Variants in TAFA4 observed in about 807,000 individuals in gnomAD.
TAFA4 encodes chemokine-like protein TAFA-4.
TAFA4 carries 20 observed loss-of-function variants against 21.1 expected under a neutral mutation model. The observed-to-expected ratio is 0.95, with a 90% CI of 0.67 to 1.38. The LOEUF (loss-of-function observed/expected upper bound fraction) is 1.38. Ranked by LOEUF, TAFA4 falls within the 40% of genes most tolerant of loss-of-function variation. TAFA4 has a pLI of 0.00. For missense variants in TAFA4, 211 were observed against 180.9 expected, an observed-to-expected ratio of 1.17 and a Z score of -0.95; for synonymous variants, 71 against 67.4, an observed-to-expected ratio of 1.05 and a Z score of -0.26.
At chr3:68,915,983 C>T (rs1419664863) in intron 1 of TAFA4, 1 of 152,184 alleles carries the variant, frequency 6.6e-6, no homozygotes, top group African/African-American at 2.4e-5. Context: ...ATTTTTCTAT[C>T]TGCAAAGGCA....
At chr3:68,783,713 A>AAAGAAAGAAAG (rs1553641278) in intron 3 of TAFA4, among the ~76,000 whole-genome samples, 3,498 of 80,696 alleles carry the variant, frequency 0.043, 180 homozygotes, top group East Asian at 0.11. Flanking sequence ...GAGAGAAAGA[A>AAAGAAAGAAAG]AAAGAAAGAA....
At chr3:68,894,247 C>A (rs2089761870) in intron 1 of TAFA4, among the ~76,000 whole-genome samples, 1 of 151,084 alleles carries the variant, frequency 6.6e-6, no homozygotes, top group African/African-American at 2.4e-5. Context: ...CGTCCTTCAT[C>A]TCTGGGACTC....
At chr3:68,880,096 G>A (rs770887099) in intron 3 of TAFA4, among the ~76,000 whole-genome samples, 14 of 149,910 alleles carry the variant, frequency 9.3e-5, no homozygotes, top group South Asian at 2.1e-4. Context: ...CAAACTGATC[G>A]GTAGCTGATG....
chr3:68,743,946 T>TCTG, intron 4 of TAFA4, among the ~76,000 whole-genome samples: 1 of 152,208 alleles, frequency 6.6e-6, no homozygotes, highest in Non-Finnish European at 1.5e-5. Context: ...ATACCACAGA[T>TCTG]TGGTTCCAAG....
chr3:68,763,369 C>T lies in TAFA4; in HGVS notation c.131-10351G>A, dbSNP rs188487069. On this transcript the variant is annotated intron_variant, in intron 3 of 5. Coordinates refer to ENST00000295569, the MANE Select transcript of TAFA4 (RefSeq NM_182522.5). ...AAGAATTATATCCCAGCTCTCTTTCCCTTTTCCACTCAGAGCCTTCTTCCT... is the reference window on the plus strand; with the variant it reads ...AAGAATTATATCCCAGCTCTCTTTCTCTTTTCCACTCAGAGCCTTCTTCCT... 6.6e-5 allele frequency among the ~76,000 whole-genome samples: 10 copies of T among 152,248 alleles called. 1 individual carries two copies. The highest frequency in any genetic ancestry group is 5.9e-4 in the Admixed American group (9 of 15,296).
chr3:68,776,850 A>G (rs949881905), intron 3 of TAFA4, among the ~76,000 whole-genome samples: 2 of 152,190 alleles, frequency 1.3e-5, no homozygotes, highest in African/African-American at 4.8e-5. Flanking sequence ...TAATAAGAAA[A>G]TCAGAAAAAC....
At chr3:68,798,547 T>G (rs977775131) in intron 3 of TAFA4, among the ~76,000 whole-genome samples, 11 of 152,238 alleles carry the variant, frequency 7.2e-5, no homozygotes, top group Middle Eastern at 3.2e-3. Flanking sequence ...GTTGAACATT[T>G]AGTTGCATTC....
rs188828785 is a variant in TAFA4, at chr3:68,805,389, A to C, written c.131-52371T>G. 8.1e-4 allele frequency among the ~76,000 whole-genome samples: 124 copies of C among 152,350 alleles called. 4 individuals carry two copies. In the East Asian group the frequency reaches 0.022, roughly 28 times the overall value. Reference sequence around the variant, plus strand: ...AACTAGTTCAACCATTGTGGAAGTCACTGTGGTGATTCCTCAAGGATCTAG... The same window carrying C: ...AACTAGTTCAACCATTGTGGAAGTCCCTGTGGTGATTCCTCAAGGATCTAG... On this transcript the variant is annotated intron_variant, in intron 3 of 5. Coordinates refer to ENST00000295569, the MANE Select transcript of TAFA4 (RefSeq NM_182522.5).
intron 3 of TAFA4, among the ~76,000 whole-genome samples, chr3:68,820,036 G>C (rs938488253): frequency 6.6e-6 from 1 of 152,062 alleles, no homozygotes; most frequent in Non-Finnish European, 1.5e-5. Flanking sequence ...ATCAACCTAA[G>C]TGTACATAAA....
chr3:68,847,448 C>T (rs1237974975), intron 3 of TAFA4, among the ~76,000 whole-genome samples: 3 of 152,250 alleles, frequency 2.0e-5, no homozygotes, highest in African/African-American at 7.2e-5. Context: ...TTTTAGCTTG[C>T]TGGGCTCTGT....
intron 3 of TAFA4, among the ~76,000 whole-genome samples, chr3:68,776,602 T>C (rs1241964114): frequency 6.6e-6 from 1 of 152,114 alleles, no homozygotes; most frequent in East Asian, 1.9e-4. Flanking sequence ...TAGAAATAAC[T>C]AGACAATATT....
chr3:68,809,274 G>A (rs2078202181), intron 3 of TAFA4, among the ~76,000 whole-genome samples: 1 of 152,108 alleles, frequency 6.6e-6, no homozygotes, highest in Admixed American at 6.6e-5. Flanking sequence ...TGAAAGCACA[G>A]AATCAATCAA....
chr3:68,783,323 C>T (rs1032213283), intron 3 of TAFA4, among the ~76,000 whole-genome samples: 1 of 152,174 alleles, frequency 6.6e-6, no homozygotes, highest in African/African-American at 2.4e-5. Flanking sequence ...AAACCTATTT[C>T]TATTTGCAGA....
chr3:68,913,680 C>G (rs1037910066), intron 1 of TAFA4: 2 of 152,240 alleles, frequency 1.3e-5, no homozygotes, highest in Admixed American at 1.3e-4. Context: ...TGCCTTCTCT[C>G]CAGCATGCAA....
intron 5 of TAFA4, among the ~76,000 whole-genome samples, chr3:68,735,663 C>A (rs1702229241): frequency 6.6e-6 from 1 of 151,954 alleles, no homozygotes; most frequent in African/African-American, 2.4e-5. Flanking sequence ...GAGGAAGATA[C>A]TGAAGACAAA....
chr3:68,752,363 T>C (rs1702570775), intron 4 of TAFA4, among the ~76,000 whole-genome samples: 1 of 152,208 alleles, frequency 6.6e-6, no homozygotes, highest in African/African-American at 2.4e-5. Flanking sequence ...GCTAGGGGAT[T>C]TGGAGATTAC....
chr3:68,814,363 G>C (rs866522111), intron 3 of TAFA4, among the ~76,000 whole-genome samples: 1 of 152,126 alleles, frequency 6.6e-6, no homozygotes, highest in Non-Finnish European at 1.5e-5. Context: ...ATTAGGAAAA[G>C]AGGAAGTCAA....
At position 68,781,525 on chromosome 3, in the gene TAFA4, T is replaced by C. The variant is rs141989648; in HGVS notation, c.131-28507A>G. On this transcript the variant is annotated intron_variant, in intron 3 of 5. Transcript: ENST00000295569. ...TCGTGCCAATAAGTTTGATAACTTA[T>C]TTGAAAAATTCCTGAAAAACAAACT... Among the ~76,000 whole-genome samples, 116 of 152,228 alleles carry C rather than the reference T, an allele frequency of 7.6e-4. 1 individual carries two copies. The East Asian group carries it at 0.018, about 24-fold the overall frequency.
At chr3:68,827,348 G>A (rs1361793984) in intron 3 of TAFA4, among the ~76,000 whole-genome samples, 1 of 152,078 alleles carries the variant, frequency 6.6e-6, no homozygotes, top group Non-Finnish European at 1.5e-5. Flanking sequence ...AGAAACATAT[G>A]TGTGCATATG....
Sources: gnomAD v4.1 joint callset for allele counts (sites outside exome capture counted in the v4.1 genomes callset) on GRCh38, gnomAD v4.1.1 for gene constraint, MANE v1.5 for transcripts, NCBI Gene and HGNC (gene_info 2026-07-23, HGNC 2026-07-21) for gene names.